The following RARB variants were observed in gnomAD, a reference collection of about 807,000 sequenced individuals.
RARB encodes HBV-activated protein.
A neutral mutation model predicts 51.9 loss-of-function variants in RARB; 17 were observed. The observed-to-expected ratio is 0.33, with a 90% CI of 0.22 to 0.49. The LOEUF (loss-of-function observed/expected upper bound fraction) is 0.49. Ranked by LOEUF, RARB falls within the 20% of genes least tolerant of loss-of-function variation. The pLI is 0.99. For missense variants in RARB, 369 were observed against 550.8 expected (o/e 0.67, Z 3.30); for synonymous variants, 215 against 195.4 (o/e 1.10, Z -0.84).
intron 5 of RARB, among the ~76,000 whole-genome samples, chr3:25,230,477 C>T (rs1413026998): frequency 1.3e-5 from 2 of 152,170 alleles, no homozygotes; most frequent in East Asian, 3.9e-4. Flanking sequence ...TAAATTGTTA[C>T]TCAACCTTGG....
intron 5 of RARB, among the ~76,000 whole-genome samples, chr3:25,229,318 A>C (rs1467414395): frequency 6.6e-6 from 1 of 152,074 alleles, no homozygotes; most frequent in Admixed American, 6.6e-5. Flanking sequence ...ACATAACTTT[A>C]TTATCTTTTA....
chr3:25,596,797 A>T lies in RARB; in HGVS notation c.*181A>T. On this transcript the variant is annotated 3_prime_UTR_variant, in exon 8 of 8. Transcript: ENST00000330688. Reference sequence around the variant, plus strand: ...CTCCTCACTGTGTAACTTACCTAGAAATACAAACTTTTCCAATTTTAAAAA... The same window carrying T: ...CTCCTCACTGTGTAACTTACCTAGATATACAAACTTTTCCAATTTTAAAAA... 1 of 444,958 alleles carries T rather than the reference A, an allele frequency of 2.2e-6. No homozygotes were observed. Among genetic ancestry groups the T allele is most frequent in the Non-Finnish European group, 3.8e-6 (1 of 263,530 alleles). The allele number at this position is 444,958 out of a possible 1,614,324, so 27.6% of individuals were successfully genotyped here.
intron 3 of RARB, among the ~76,000 whole-genome samples, chr3:25,538,018 A>G (rs1467051312): frequency 6.6e-6 from 1 of 152,202 alleles, no homozygotes; most frequent in African/African-American, 2.4e-5. Context: ...GCAGGATATT[A>G]TCTCTGGAAG....
At chr3:25,065,364 G>T (rs961587924) in intron 3 of RARB, among the ~76,000 whole-genome samples, 8 of 152,048 alleles carry the variant, frequency 5.3e-5, no homozygotes, top group Admixed American at 5.2e-4. Context: ...TTTTCCTCTA[G>T]ACATTGCATT....
chr3:25,070,172 C>T, intron 3 of RARB, among the ~76,000 whole-genome samples: 1 of 152,194 alleles, frequency 6.6e-6, no homozygotes, highest in Non-Finnish European at 1.5e-5. Context: ...GGCGTTCTCC[C>T]TGTGTGTCTC....
chr3:25,011,428 TTTG>T (rs1290178034), intron 2 of RARB, among the ~76,000 whole-genome samples: 2 of 152,082 alleles, frequency 1.3e-5, no homozygotes, highest in Non-Finnish European at 2.9e-5. Flanking sequence ...AGTCTAAAAC[TTTG>T]TTAATGGTAA....
intron 1 of RARB, among the ~76,000 whole-genome samples, chr3:24,853,685 A>T (rs1299645196): frequency 6.6e-6 from 1 of 152,232 alleles, no homozygotes; most frequent in Non-Finnish European, 1.5e-5. Flanking sequence ...TAGCCATTAA[A>T]CTTCTCATTC....
At chr3:25,592,103 G>A (rs183533631) in intron 5 of RARB, among the ~76,000 whole-genome samples, 35 of 152,296 alleles carry the variant, frequency 2.3e-4, no homozygotes, top group Non-Finnish European at 4.0e-4. Flanking sequence ...TAGGAGACCT[G>A]ATGGGAATAT....
intron 3 of RARB, among the ~76,000 whole-genome samples, chr3:25,540,813 T>A (rs773101917): frequency 6.6e-6 from 1 of 152,142 alleles, no homozygotes; most frequent in Non-Finnish European, 1.5e-5. Context: ...TAGAAAAGAT[T>A]AAAGAGAAGG....
At chr3:25,095,868 C>T (rs937349832) in intron 3 of RARB, among the ~76,000 whole-genome samples, 3 of 152,302 alleles carry the variant, frequency 2.0e-5, no homozygotes, top group South Asian at 4.1e-4. Flanking sequence ...GTCTTCTTAA[C>T]TGCCACCTTT....
chr3:25,463,056 A>C (rs1028909233), intron 2 of RARB, among the ~76,000 whole-genome samples: 2 of 152,126 alleles, frequency 1.3e-5, no homozygotes, highest in Admixed American at 6.5e-5. Context: ...TTTTTTGTAG[A>C]GATGGGGGTC....
chr3:24,917,190 A>G (rs1314570367), intron 2 of RARB, among the ~76,000 whole-genome samples: 4 of 152,222 alleles, frequency 2.6e-5, no homozygotes, highest in Admixed American at 6.5e-5. Flanking sequence ...TACCCTTGCC[A>G]TATGCAAACA....
At chr3:25,190,138 C>T (rs893606835) in intron 5 of RARB, among the ~76,000 whole-genome samples, 1 of 151,988 alleles carries the variant, frequency 6.6e-6, no homozygotes, top group Non-Finnish European at 1.5e-5. Context: ...GGTAAATTGT[C>T]AATGGAAAAT....
At chr3:25,394,535 T>A (rs181242459) in intron 5 of RARB, among the ~76,000 whole-genome samples, 2 of 152,254 alleles carry the variant, frequency 1.3e-5, no homozygotes, top group Admixed American at 1.3e-4. Flanking sequence ...GCCATCTATC[T>A]CATTTCTTGG....
intron 2 of RARB, among the ~76,000 whole-genome samples, chr3:24,912,102 A>G (rs1393976767): frequency 1.3e-5 from 2 of 152,194 alleles, no homozygotes; most frequent in Non-Finnish European, 2.9e-5. Context: ...TGCCTTTTCC[A>G]TGTCTCCTGC....
At chr3:24,925,311 A>G (rs1695293686) in intron 2 of RARB, among the ~76,000 whole-genome samples, 1 of 152,184 alleles carries the variant, frequency 6.6e-6, no homozygotes, top group African/African-American at 2.4e-5. Context: ...AGATTTACAG[A>G]TTAATATTTT....
intron 5 of RARB, among the ~76,000 whole-genome samples, chr3:25,326,927 G>C (rs1039221831): frequency 1.3e-5 from 2 of 151,928 alleles, no homozygotes; most frequent in Non-Finnish European, 2.9e-5. Context: ...CCATGTTGGT[G>C]TGCTGCACCC....
intron 5 of RARB, among the ~76,000 whole-genome samples, chr3:25,253,126 T>C (rs1432323645): frequency 6.6e-6 from 1 of 152,218 alleles, no homozygotes; most frequent in Admixed American, 6.5e-5. Flanking sequence ...TAATTTTTAA[T>C]CTGCTTTCTA....
At chr3:25,219,297 T>G (rs915399899) in intron 5 of RARB, among the ~76,000 whole-genome samples, 2 of 152,116 alleles carry the variant, frequency 1.3e-5, no homozygotes, top group Admixed American at 6.5e-5. Context: ...TACACCATCT[T>G]ATAGCAAAGA....
Sources: allele counts gnomAD v4.1 joint callset (sites outside exome capture counted in the v4.1 genomes callset), GRCh38; gene constraint gnomAD v4.1.1; transcripts MANE v1.5; gene names NCBI Gene and HGNC (gene_info 2026-07-23, HGNC 2026-07-21).